Variants in RGR observed in about 807,000 individuals in gnomAD.
RGR encodes RPE-retinal G protein-coupled receptor.
A neutral mutation model predicts 28.6 loss-of-function variants in RGR; 30 were observed. The observed-to-expected ratio is 1.05, with a 90% CI of 0.78 to 1.42. The LOEUF is 1.42. Among genes scored for constraint, RGR ranks in the 40% most tolerant of loss-of-function variants. RGR has a pLI of 0.00. For missense variants in RGR, 404 were observed against 375.6 expected (o/e 1.08, Z -0.62); for synonymous variants, 180 against 156.4 (o/e 1.15, Z -1.13).
In RGR at chr10:84,249,001, A is replaced by G; in HGVS notation, c.316A>G (p.Ser106Gly). 1 of 1,614,094 alleles carries G rather than the reference A, an allele frequency of 6.2e-7. No homozygotes were observed. The highest frequency in any genetic ancestry group is 1.3e-5 in the African/African-American group (1 of 75,050). ...FVTALASICS[S>G]AAIAWGRYHH... ...GACAGCGTTGGCCAGCATCTGCAGCAGTGCAGCCATCGCATGGGGGCGTTA... is the reference window on the plus strand; with the variant it reads ...GACAGCGTTGGCCAGCATCTGCAGCGGTGCAGCCATCGCATGGGGGCGTTA... Residue 106 changes from serine to glycine, a missense_variant, in exon 3 of 7, where the codon AGT (serine) becomes GGT (glycine). Physicochemically the swap from Ser to Gly is moderately conservative, Grantham distance 56. Transcript: ENST00000652092.
rs547178849 is a variant in RGR at position 84,245,811 on chromosome 10, A to G, written c.79+642A>G. 3.3e-5 allele frequency among the ~76,000 whole-genome samples: 5 copies of G among 152,336 alleles called. No individual in the cohort carries two copies. The East Asian group carries it at 9.6e-4, about 29-fold the overall frequency. ...CCTCTGGAGGCAACCTGGGTCTGCG[A>G]GGTACCTACCTCAACCTAGAATCCC... On this transcript the variant is annotated intron_variant, in intron 1 of 6. Transcript: ENST00000652092.
intron 5 of RGR, among the ~76,000 whole-genome samples, chr10:84,256,301 A>C (rs1050837439): frequency 7.9e-5 from 12 of 151,740 alleles, no homozygotes; most frequent in African/African-American, 2.9e-4. Context: ...TGATCCACCC[A>C]CTTCAGCCTC....
chr10:84,248,924 G>A lies in RGR; in HGVS notation c.239G>A (p.Arg80His), dbSNP rs780295976. Residue 80 changes from arginine (R) to histidine (H), a missense_variant and splice_region_variant, in exon 3 of 7, where the codon CGC (arginine) becomes CAC (histidine). Transcript: ENST00000652092. ...LVAATSSLLR[R>H]WPYGSDGCQA... ...CTGGTGCCCAGTGTCTCCCACAGGCGCTGGCCCTACGGCTCGGACGGCTGC... is the reference window on the plus strand; with the variant it reads ...CTGGTGCCCAGTGTCTCCCACAGGCACTGGCCCTACGGCTCGGACGGCTGC... The A allele has an allele frequency of 4.6e-5, 75 of 1,614,210 alleles. No homozygotes were observed. The Middle Eastern group carries it at 4.9e-4, about 11-fold the overall frequency.
chr10:84,255,886 A>G (rs931939421), intron 5 of RGR, among the ~76,000 whole-genome samples: 2 of 148,296 alleles, frequency 1.3e-5, no homozygotes, highest in African/African-American at 5.0e-5. Flanking sequence ...CACCACACCC[A>G]CCTAATTTTG....
chr10:84,247,732 C>T lies in RGR; in HGVS notation c.221C>T (p.Thr74Ile). ...AGCCTGAATGCCCTCGTTGCAGCCA[C>T]ATCCAGCCTTCTCCGGTACCAGCCC... is the stretch of plus-strand genomic sequence containing the variant. ...GISLNALVAA[T>I]SSLLRRWPYG... The change falls in exon 2 of 7, where the codon ACA becomes ATA. Residue 74 changes from threonine (T) to isoleucine (I), a missense_variant. Physicochemically the swap from Thr to Ile is moderately conservative, Grantham distance 89. Transcript: ENST00000652092. 1.9e-6 allele frequency: 3 copies of T among 1,614,208 alleles called. No homozygotes were observed. Among genetic ancestry groups the T allele is most frequent in the Non-Finnish European group, 2.5e-6 (3 of 1,180,042 alleles).
At position 84,259,479 on chromosome 10, in the gene RGR, G is replaced by A. The variant is rs1407220424; in HGVS notation, c.*840G>A. The stretch of plus-strand genomic sequence containing the variant: ...AGAAATCACCATACTGTTTTCCATA[G>A]GGGTTGTACTAATTTACAGTCCCAC... On this transcript the variant is annotated 3_prime_UTR_variant, in exon 7 of 7. Transcript: ENST00000652092. 1 of 152,058 alleles carries A rather than the reference G, an allele frequency of 6.6e-6. No individual in the cohort carries two copies. Among genetic ancestry groups the A allele is most frequent in the Non-Finnish European group, 1.5e-5 (1 of 68,006 alleles). 9.4% of individuals were successfully genotyped at this position (152,058 alleles called of 1,614,324 possible).
chr10:84,259,423 A>G lies in RGR; in HGVS notation c.*784A>G, dbSNP rs1211095362. 1 of 152,296 alleles carries G rather than the reference A, an allele frequency of 6.6e-6. No homozygotes were observed. Among genetic ancestry groups the G allele is most frequent in the Non-Finnish European group, 1.5e-5 (1 of 68,108 alleles). The allele number at this position is 152,296 out of a possible 1,614,324, so 9.4% of individuals were successfully genotyped here. A position where few individuals can be genotyped will look rare whatever the true frequency, so the allele number is the denominator to read the frequency against. On this transcript the variant is annotated 3_prime_UTR_variant, in exon 7 of 7. Coordinates refer to ENST00000652092, the MANE Select transcript of RGR (RefSeq NM_001012720.2). ...ATACCAGTAGTAGGACTGCTGGATCAAATGGTAGCTCTATTTTTAAGACAG... is the reference window on the plus strand; with the variant it reads ...ATACCAGTAGTAGGACTGCTGGATCGAATGGTAGCTCTATTTTTAAGACAG...
intron 4 of RGR, 69 bp downstream of exon 4, chr10:84,253,079 G>A: frequency 1.3e-6 from 2 of 1,545,394 alleles, no homozygotes. Context: ...CTATGACAAG[G>A]GTGCCCCAGC....
At chr10:84,257,863 C>G in intron 5 of RGR, 30 bp from the exon 6 acceptor site, 11 of 1,603,116 alleles carry the variant, frequency 6.9e-6, no homozygotes, top group Non-Finnish European at 9.4e-6. Flanking sequence ...CTGGAGCAAG[C>G]TGACATCTCC....
chr10:84,258,125 C>A (rs1314839649), intron 6 of RGR, 119 bp downstream of exon 6: 3 of 948,916 alleles, frequency 3.2e-6, no homozygotes, highest in Non-Finnish European at 4.9e-6. Context: ...TGTGTTTCTT[C>A]CTTTGGATAC....
intron 4 of RGR, among the ~76,000 whole-genome samples, chr10:84,254,076 A>T (rs1420981495): frequency 6.6e-6 from 1 of 152,194 alleles, no homozygotes; most frequent in Non-Finnish European, 1.5e-5. Flanking sequence ...AAAATTTCCC[A>T]TTCTTCATGC....
At position 84,247,761 on chromosome 10, in the gene RGR, C is replaced by T. The variant is rs758447899; in HGVS notation, c.236+14C>T. On this transcript the variant is annotated intron_variant, in intron 2 of 6. Transcript: ENST00000652092. ...CAGCCTTCTCCGGTACCAGCCCCCT[C>T]CCCAGTCCACAGGCTCTGGGGTCCT... 6.2e-7 allele frequency: 1 copy of T among 1,614,018 alleles called. No individual in the cohort carries two copies. Among genetic ancestry groups the T allele is most frequent in the Admixed American group, 1.7e-5 (1 of 60,026 alleles).
chr10:84,256,486 A>G (rs973954650), intron 5 of RGR, among the ~76,000 whole-genome samples: 1 of 152,212 alleles, frequency 6.6e-6, no homozygotes, highest in East Asian at 1.9e-4. Flanking sequence ...CATGTGGTCA[A>G]TCACAGTGCA....
intron 2 of RGR, 61 bp downstream of exon 2, chr10:84,247,808 C>T: frequency 6.2e-7 from 1 of 1,611,188 alleles, no homozygotes; most frequent in South Asian, 1.1e-5. Context: ...GACCCCTGGG[C>T]CCTGGGCAGC....
At chr10:84,257,110 AAGTC>A (rs1842898108) in intron 5 of RGR, among the ~76,000 whole-genome samples, 1 of 152,232 alleles carries the variant, frequency 6.6e-6, no homozygotes, top group African/African-American at 2.4e-5. Flanking sequence ...TTGTTAAAGA[AAGTC>A]AGGTCAGGGA....
chr10:84,253,291 G>C (rs4933315), intron 4 of RGR, among the ~76,000 whole-genome samples: 1 of 152,124 alleles, frequency 6.6e-6, no homozygotes, highest in Non-Finnish European at 1.5e-5. Flanking sequence ...TGTGTCAGTG[G>C]TAACAGTCAC....
At position 84,245,081 on chromosome 10, in the gene RGR, G is replaced by A; in HGVS notation, c.-10G>A. On this transcript the variant is annotated 5_prime_UTR_variant, in exon 1 of 7. Transcript: ENST00000652092. Reference sequence around the variant, plus strand: ...GACAGCTGGGCCACTGGCAGTGAGGGAGAGTGAGGATGGCAGAGACCAGTG... The same window carrying A: ...GACAGCTGGGCCACTGGCAGTGAGGAAGAGTGAGGATGGCAGAGACCAGTG... The A allele has an allele frequency of 6.2e-7, 1 of 1,613,444 alleles. No individual in the cohort carries two copies.
Position 84,247,643 on chromosome 10 carries a change from C to G in RGR, c.132C>G (p.Thr44=), listed in dbSNP as rs1042283952. 6.2e-7 allele frequency: 1 copy of G among 1,614,186 alleles called. No homozygotes were observed. The highest frequency in any genetic ancestry group is 8.5e-7 in the Non-Finnish European group (1 of 1,180,038). Residue 44 remains threonine, a synonymous_variant, in exon 2 of 7, where the codon ACC becomes ACG. Transcript: ENST00000652092. ...TGACCATCTTCTCTTTCTGCAAGAC[C>G]CCGGAGCTGCGGACTCCCTGCCACC... ...NTLTIFSFCK[T]PELRTPCHLL... is the part of the protein sequence containing the mutation.
In RGR at chr10:84,256,059, C is replaced by CTTTT. The variant is rs61441525; in HGVS notation, c.630+1642_630+1645dup. Reference sequence around the variant, plus strand: ...TCTTTGTTTCTTTTTTTTTTCCTTTCTTTTTTTTTTTTTTTTTTTTTTTTT... The same window carrying CTTTT: ...TCTTTGTTTCTTTTTTTTTTCCTTTCTTTTTTTTTTTTTTTTTTTTTTTTTTTTT... On this transcript the variant is annotated intron_variant, in intron 5 of 6. Coordinates refer to ENST00000652092, the MANE Select transcript of RGR (RefSeq NM_001012720.2). Among the ~76,000 whole-genome samples, 312 of 54,368 alleles carry CTTTT rather than the reference C, an allele frequency of 5.7e-3. 1 individual carries two copies. The highest frequency in any genetic ancestry group is 0.01 in the East Asian group (17 of 1,642). 35.7% of individuals were successfully genotyped at this position (54,368 alleles called of 152,430 possible).
Sources: allele counts gnomAD v4.1 joint callset (sites outside exome capture counted in the v4.1 genomes callset), GRCh38; gene constraint gnomAD v4.1.1; transcripts MANE v1.5; gene names NCBI Gene and HGNC (gene_info 2026-07-23, HGNC 2026-07-21).